The following SVEP1 variants were observed in gnomAD, a reference collection of about 807,000 sequenced individuals.
The protein encoded by SVEP1 is sushi, von Willebrand factor type A, EGF and pentraxin domain-containing protein 1.
Under a neutral mutation model 367.3 loss-of-function variants are expected in SVEP1, and 164 were observed. That is an observed-to-expected ratio of 0.45 (90% CI 0.39 to 0.51). SVEP1 has a LOEUF of 0.51. SVEP1 is among the 20% of genes least tolerant of loss of function. The pLI is 0.00. For missense variants in SVEP1, 4,117 were observed against 4,425.3 expected, an observed-to-expected ratio of 0.93 and a Z score of 1.98; for synonymous variants, 1,666 against 1,611.6, an observed-to-expected ratio of 1.03 and a Z score of -0.81.
At chr9:110,490,808 T>A (rs1255330089) in intron 8 of SVEP1, among the ~76,000 whole-genome samples, 7 of 152,100 alleles carry the variant, frequency 4.6e-5, no homozygotes, top group Non-Finnish European at 1.0e-4. Flanking sequence ...TTTAATGAAC[T>A]GTTTTTTAAT....
intron 9 of SVEP1, among the ~76,000 whole-genome samples, chr9:110,487,052 G>A (rs995848307): frequency 8.5e-5 from 13 of 152,056 alleles, no homozygotes; most frequent in African/African-American, 2.9e-4. Flanking sequence ...TGCCTCCCAG[G>A]TTTAAGCAAT....
intron 39 of SVEP1, among the ~76,000 whole-genome samples, chr9:110,401,847 T>C (rs1189991350): frequency 6.6e-6 from 1 of 152,064 alleles, no homozygotes; most frequent in African/African-American, 2.4e-5. Context: ...ATTGTTATTC[T>C]ATTGCTAATA....
At chr9:110,484,381 A>C (rs552564338) in intron 9 of SVEP1, among the ~76,000 whole-genome samples, 1 of 152,280 alleles carries the variant, frequency 6.6e-6, no homozygotes, top group African/African-American at 2.4e-5. Flanking sequence ...GTTGCTGAGC[A>C]CTGGAATTCT....
Position 110,496,832 on chromosome 9 carries a change from C to A in SVEP1, c.1783G>T (p.Asp595Tyr). 6.4e-7 allele frequency: 1 copy of A among 1,555,974 alleles called. No homozygotes were observed. The highest frequency in any genetic ancestry group is 1.2e-5 in the South Asian group (1 of 84,334). ...NVTWQIPTAK[D>Y]NSGEKVSVHV... is the part of the protein sequence containing the mutation. ...AACCTTACCTTTTCACCAGAGTTGT[C>A]TTTAGCTGTTGGAATCTGCCAGGTA... The change falls in exon 8 of 48, where the codon GAC becomes TAC. Residue 595 changes from aspartate (D) to tyrosine (Y), a missense_variant. Around this residue, in one of 4 missense-constraint regions of SVEP1, gnomAD observed 2,174 missense variants for 2,494.3 expected, o/e 0.87. Transcript: ENST00000374469.
At chr9:110,394,461 GA>G (rs1328934565) in intron 40 of SVEP1, among the ~76,000 whole-genome samples, 6 of 152,170 alleles carry the variant, frequency 3.9e-5, no homozygotes, top group Admixed American at 3.9e-4. Context: ...TCCTCCAAAG[GA>G]ACGCAGCTCC....
At chr9:110,531,947 T>C (rs1332734819) in intron 3 of SVEP1, among the ~76,000 whole-genome samples, 1 of 152,170 alleles carries the variant, frequency 6.6e-6, no homozygotes, top group African/African-American at 2.4e-5. Flanking sequence ...ATTGTTGAAC[T>C]CAGCCTTCCA....
intron 7 of SVEP1, 78 bp from the exon 8 acceptor site, chr9:110,497,011 A>G: frequency 1.1e-6 from 1 of 918,196 alleles, no homozygotes; most frequent in Non-Finnish European, 1.6e-6. Context: ...GTACAAATCT[A>G]GTTATATTAA....
intron 1 of SVEP1, among the ~76,000 whole-genome samples, chr9:110,575,403 G>A (rs936613509): frequency 1.3e-5 from 2 of 152,168 alleles, no homozygotes; most frequent in Non-Finnish European, 2.9e-5. Context: ...TTTCCCTGAT[G>A]CAGCAGGGTT....
At chr9:110,367,371 C>T (rs1306539505) in intron 47 of SVEP1, among the ~76,000 whole-genome samples, 1 of 150,134 alleles carries the variant, frequency 6.7e-6, no homozygotes, top group Non-Finnish European at 1.5e-5. Context: ...CCTATGTTGC[C>T]CAGGCTGGTG....
intron 40 of SVEP1, among the ~76,000 whole-genome samples, chr9:110,390,177 A>ATCTATATACT (rs1318135755): frequency 6.2e-4 from 46 of 74,458 alleles, no homozygotes; most frequent in Non-Finnish European, 8.0e-4. Flanking sequence ...ATAAGTATGT[A>ATCTATATACT]TGTATATATA....
intron 20 of SVEP1, among the ~76,000 whole-genome samples, chr9:110,457,594 T>G (rs1242497088): frequency 6.6e-6 from 1 of 152,198 alleles, no homozygotes; most frequent in Non-Finnish European, 1.5e-5. Flanking sequence ...AAATGTTGGC[T>G]GCATGCTAGA....
At chr9:110,446,307 T>C (rs569742388) in intron 25 of SVEP1, among the ~76,000 whole-genome samples, 52 of 152,304 alleles carry the variant, frequency 3.4e-4, no homozygotes, top group African/African-American at 1.3e-3. Flanking sequence ...GAAACTGAAA[T>C]GCTACTAAAG....
chr9:110,498,692 C>T (rs1829487390), intron 7 of SVEP1, among the ~76,000 whole-genome samples: 1 of 152,114 alleles, frequency 6.6e-6, no homozygotes, highest in African/African-American at 2.4e-5. Flanking sequence ...AATGTGATGC[C>T]AGGTTTCAAA....
intron 18 of SVEP1, among the ~76,000 whole-genome samples, chr9:110,460,541 T>C (rs1828842517): frequency 6.6e-6 from 1 of 152,142 alleles, no homozygotes; most frequent in Non-Finnish European, 1.5e-5. Flanking sequence ...TCACTTGAGG[T>C]CAGGAGTTCC....
Position 110,411,579 on chromosome 9 carries a change from G to A in SVEP1, c.6132C>T (p.Phe2044=). Residue 2044 remains phenylalanine (F), a synonymous_variant, in exon 37 of 48, where the codon TTC becomes TTT. Transcript: ENST00000374469. Reference sequence around the variant, plus strand: ...GGCTGTAACCATCAGAGCAGTAGTAGAATGCAATGTCTCCAAAGAGCCGAT... The same window carrying A: ...GGCTGTAACCATCAGAGCAGTAGTAAAATGCAATGTCTCCAAAGAGCCGAT... The part of the protein sequence containing the change: ...TAHRLFGDIA[F]YYCSDGYSLA... 1 of 1,613,984 alleles carries A rather than the reference G, an allele frequency of 6.2e-7. No homozygotes were observed. Among genetic ancestry groups the A allele is most frequent in the Non-Finnish European group, 8.5e-7 (1 of 1,179,882 alleles).
chr9:110,383,407 G>A (rs146990241), intron 43 of SVEP1, among the ~76,000 whole-genome samples: 261 of 152,288 alleles, frequency 1.7e-3, no homozygotes, highest in African/African-American at 5.4e-3. Flanking sequence ...TGTTACCAGC[G>A]GACGCTGCAG....
At chr9:110,480,864 C>T (rs1385560637) in intron 12 of SVEP1, among the ~76,000 whole-genome samples, 1 of 151,894 alleles carries the variant, frequency 6.6e-6, no homozygotes, top group Non-Finnish European at 1.5e-5. Flanking sequence ...TCAAGTGATC[C>T]ACCCGCCTCA....
intron 40 of SVEP1, among the ~76,000 whole-genome samples, chr9:110,395,247 A>C (rs983609998): frequency 6.6e-6 from 1 of 152,184 alleles, no homozygotes; most frequent in African/African-American, 2.4e-5. Context: ...ATATCCAGCC[A>C]AACTATGCTT....
intron 3 of SVEP1, among the ~76,000 whole-genome samples, chr9:110,528,188 G>T (rs1484877845): frequency 3.7e-5 from 1 of 27,244 alleles, no homozygotes; most frequent in African/African-American, 1.5e-4. Context: ...ATATATATAT[G>T]CCACATTTTC....
Sources: allele counts gnomAD v4.1 joint callset (sites outside exome capture counted in the v4.1 genomes callset), GRCh38; gene constraint gnomAD v4.1.1; regional missense constraint gnomAD v4.1.1; transcripts MANE v1.5; gene names NCBI Gene and HGNC (gene_info 2026-07-23, HGNC 2026-07-21).